ANO1: variants seen among roughly 807,000 people sequenced by gnomAD.
ANO1 encodes the protein anoctamin 1.
Under a neutral mutation model 124.0 loss-of-function variants are expected in ANO1, and 59 were observed. That is an observed-to-expected ratio of 0.48 (90% CI 0.39 to 0.59). ANO1 has a LOEUF of 0.59. Among genes scored for constraint, ANO1 ranks in the 20% least tolerant of loss-of-function variants. The probability of loss-of-function intolerance (pLI) is 0.00; values close to 1 mark genes in which losing one functional copy is unlikely to be tolerated. For missense variants in ANO1, 1,059 were observed against 1,328.0 expected (o/e 0.80, Z 3.15); for synonymous variants, 529 against 532.0 (o/e 0.99, Z 0.08).
Position 70,133,425 on chromosome 11 carries a change from G to A in ANO1, c.1258+1346G>A, listed in dbSNP as rs183879271. Reference sequence around the variant, plus strand: ...CCTCCTGACCAAGGAGCAGCTGCTCGGGGGAGGCTGGAAACCTAGAGGAGG... The same window carrying A: ...CCTCCTGACCAAGGAGCAGCTGCTCAGGGGAGGCTGGAAACCTAGAGGAGG... On this transcript the variant is annotated intron_variant, in intron 11 of 25. Coordinates refer to ENST00000355303, the MANE Select transcript of ANO1 (RefSeq NM_018043.7). 3.9e-5 allele frequency among the ~76,000 whole-genome samples: 6 copies of A among 152,286 alleles called. No individual in the cohort carries two copies. The South Asian group carries it at 6.2e-4, about 16-fold the overall frequency.
At chr11:70,034,337 G>T (rs1336733002) in intron 1 of ANO1, among the ~76,000 whole-genome samples, 7 of 152,056 alleles carry the variant, frequency 4.6e-5, no homozygotes, top group Non-Finnish European at 1.0e-4. Flanking sequence ...ATAGCTGAGG[G>T]GCTCAGGAAG....
chr11:70,057,246 T>G (rs1161018832), intron 1 of ANO1, among the ~76,000 whole-genome samples: 2 of 152,248 alleles, frequency 1.3e-5, no homozygotes, highest in Non-Finnish European at 2.9e-5. Context: ...TGTTCTCTTC[T>G]TCCGAGAGGA....
chr11:70,057,515 C>T (rs1196119983), intron 1 of ANO1, among the ~76,000 whole-genome samples: 1 of 151,432 alleles, frequency 6.6e-6, no homozygotes, highest in Non-Finnish European at 1.5e-5. Context: ...AGACTGAGTC[C>T]GAAAAAGGAG....
intron 1 of ANO1, among the ~76,000 whole-genome samples, chr11:70,085,232 G>A (rs776513666): frequency 1.6e-4 from 24 of 152,154 alleles, no homozygotes; most frequent in African/African-American, 4.6e-4. Flanking sequence ...ACAGACTTGC[G>A]ATACTGGGGT....
At position 70,161,319 on chromosome 11, in the gene ANO1, G is replaced by A; in HGVS notation, c.1737G>A (p.Leu579=). ...TCAACCTAGTGGTCATCATCCTCCTGGACGAGGTGTATGGCTGCATAGCCC... is the reference window on the plus strand; with the variant it reads ...TCAACCTAGTGGTCATCATCCTCCTAGACGAGGTGTATGGCTGCATAGCCC... ...VIINLVVIIL[L]DEVYGCIARW... is the part of the protein sequence containing the mutation. Residue 579 remains leucine (L), a synonymous_variant, in exon 17 of 26, where the codon CTG becomes CTA. Coordinates refer to ENST00000355303, the MANE Select transcript of ANO1 (RefSeq NM_018043.7). 2 of 1,614,010 alleles carry A rather than the reference G, an allele frequency of 1.2e-6. No homozygotes were observed. Among genetic ancestry groups the A allele is most frequent in the South Asian group, 1.1e-5 (1 of 91,078 alleles).
chr11:70,135,375 CCGAGCTGGTCTCAT>C (rs1405943563), intron 11 of ANO1, among the ~76,000 whole-genome samples: 24 of 152,192 alleles, frequency 1.6e-4, no homozygotes, highest in Non-Finnish European at 4.4e-5. Flanking sequence ...GCGGGCTTGG[CCGAGCTGGTCTCAT>C]CTGACACACA....
chr11:70,050,455 C>T (rs1857335480), intron 1 of ANO1, among the ~76,000 whole-genome samples: 1 of 152,176 alleles, frequency 6.6e-6, no homozygotes, highest in African/African-American at 2.4e-5. Context: ...CAGGCAGCTC[C>T]CAAGCCCAGC....
chr11:70,155,507 GACCC>G (rs2135671894), intron 14 of ANO1, among the ~76,000 whole-genome samples: 1 of 152,326 alleles, frequency 6.6e-6, no homozygotes, highest in East Asian at 1.9e-4. Flanking sequence ...TATGGAAAGA[GACCC>G]ACCACCTAAT....
intron 1 of ANO1, among the ~76,000 whole-genome samples, chr11:70,041,536 T>C (rs1289229635): frequency 2.6e-5 from 4 of 152,210 alleles, no homozygotes; most frequent in East Asian, 3.8e-4. Flanking sequence ...GGCAGAACTA[T>C]GTAGAAAGAA....
intron 3 of ANO1, 75 bp downstream of exon 3, chr11:70,103,239 G>A: frequency 8.2e-7 from 1 of 1,224,638 alleles, no homozygotes. Context: ...AGTGAAACAT[G>A]CCGACCTCGA....
At chr11:70,027,486 T>A (rs1381055835) in intron 1 of ANO1, among the ~76,000 whole-genome samples, 1 of 152,234 alleles carries the variant, frequency 6.6e-6, no homozygotes, top group Middle Eastern at 3.2e-3. Flanking sequence ...AGTTGAATAA[T>A]CCTCAGCGGA....
At chr11:70,024,556 C>G (rs1856858968) in intron 1 of ANO1, among the ~76,000 whole-genome samples, 1 of 152,114 alleles carries the variant, frequency 6.6e-6, no homozygotes. Context: ...GTGCCAAGGG[C>G]TCCCTGGGCA....
At chr11:70,002,655 C>T (rs1554999526) in intron 1 of ANO1, among the ~76,000 whole-genome samples, 11 of 152,120 alleles carry the variant, frequency 7.2e-5, no homozygotes, top group Non-Finnish European at 2.9e-5. Flanking sequence ...CACCTAATGA[C>T]ACATTTCTCA....
intron 2 of ANO1, among the ~76,000 whole-genome samples, chr11:70,100,163 A>G (rs1290638488): frequency 6.6e-6 from 1 of 152,084 alleles, no homozygotes; most frequent in Non-Finnish European, 1.5e-5. Context: ...GCTCCTGCAA[A>G]GCTCCCCTAA....
At chr11:70,032,542 G>T (rs534274008) in intron 1 of ANO1, among the ~76,000 whole-genome samples, 1 of 151,386 alleles carries the variant, frequency 6.6e-6, no homozygotes, top group Admixed American at 6.6e-5. Flanking sequence ...GAGAGGGGGG[G>T]GGTCTCTGAA....
chr11:70,185,030 A>G (rs117152110), intron 24 of ANO1, among the ~76,000 whole-genome samples: 2,481 of 152,268 alleles, frequency 0.016, 31 homozygotes, highest in Non-Finnish European at 0.023. Flanking sequence ...CCTGGCTAAT[A>G]AAGTGCTCAG....
At chr11:70,137,437 C>T (rs1247473547) in intron 11 of ANO1, among the ~76,000 whole-genome samples, 4 of 136,000 alleles carry the variant, frequency 2.9e-5, no homozygotes, top group African/African-American at 7.7e-5. Context: ...CCGCCATCAC[C>T]GCTGTCTGCT....
At chr11:70,151,512 T>C (rs563292296) in intron 12 of ANO1, among the ~76,000 whole-genome samples, 3 of 152,292 alleles carry the variant, frequency 2.0e-5, no homozygotes, top group Non-Finnish European at 4.4e-5. Context: ...AAATGTCCCT[T>C]CTGTGATGTC....
intron 24 of ANO1, among the ~76,000 whole-genome samples, chr11:70,183,805 C>G (rs950016355): frequency 7.2e-5 from 11 of 152,220 alleles, no homozygotes; most frequent in Non-Finnish European, 1.2e-4. Context: ...AATCAAGCTC[C>G]GTAGGCAAGG....
Sources: gnomAD v4.1 joint callset for allele counts (sites outside exome capture counted in the v4.1 genomes callset) on GRCh38, gnomAD v4.1.1 for gene constraint, MANE v1.5 for transcripts, NCBI Gene and HGNC (gene_info 2026-07-23, HGNC 2026-07-21) for gene names.